The following TMEM232 variants were observed in gnomAD, a reference collection of about 807,000 sequenced individuals.
TMEM232 encodes transmembrane protein 232.
TMEM232 carries 80 observed loss-of-function variants against 78.8 expected under a neutral mutation model. That is an observed-to-expected ratio of 1.01 (90% CI 0.85 to 1.22). The LOEUF is 1.22. Among genes scored for constraint, TMEM232 ranks in the 50% most tolerant of loss-of-function variants. TMEM232 has a pLI of 0.00. For synonymous variants in TMEM232, 297 were observed against 254.3 expected, an observed-to-expected ratio of 1.17 and a Z score of -1.60; for missense variants, 881 against 742.2, an observed-to-expected ratio of 1.19 and a Z score of -2.17.
chr5:110,408,942 C>G (rs773537948), intron 2 of TMEM232, among the ~76,000 whole-genome samples: 6 of 152,106 alleles, frequency 3.9e-5, no homozygotes, highest in Admixed American at 2.0e-4. Context: ...TAACTCCTAC[C>G]TAGACCAGTT....
chr5:110,547,776 T>C (rs1467840296), intron 11 of TMEM232, among the ~76,000 whole-genome samples: 1 of 151,888 alleles, frequency 6.6e-6, no homozygotes, highest in African/African-American at 2.4e-5. Flanking sequence ...GATGGGCAGA[T>C]CACTTGAGGT....
At chr5:110,558,083 C>G (rs1036830537) in intron 11 of TMEM232, among the ~76,000 whole-genome samples, 16 of 152,268 alleles carry the variant, frequency 1.1e-4, no homozygotes, top group African/African-American at 3.8e-4. Flanking sequence ...CAATTGTGGG[C>G]TGCATGCTCT....
Position 110,627,882 on chromosome 5 carries a change from T to G in TMEM232, c.502-2A>C. On this transcript the variant is annotated splice_acceptor_variant, in intron 5 of 13. Coordinates refer to ENST00000455884, the MANE Select transcript of TMEM232 (RefSeq NM_001039763.4). LOFTEE classifies it high-confidence loss of function. ...TCGTAAGAAGACCAAATAGCCAATC[T>G]GTCAAAAGAGAAAAGAAAAATACAT... is the stretch of plus-strand genomic sequence containing the variant. The G allele has an allele frequency of 1.3e-6, 2 of 1,510,108 alleles. No homozygotes were observed. The highest frequency in any genetic ancestry group is 1.8e-6 in the Non-Finnish European group (2 of 1,128,106). The allele number at this position is 1,510,108 out of a possible 1,614,324, so 93.5% of individuals were successfully genotyped here. A position where few individuals can be genotyped will look rare whatever the true frequency, so the allele number is the denominator to read the frequency against.
chr5:110,651,868 T>A (rs1308738350), intron 2 of TMEM232, among the ~76,000 whole-genome samples: 2 of 152,150 alleles, frequency 1.3e-5, no homozygotes, highest in Non-Finnish European at 2.9e-5. Context: ...CTAAAGCCTA[T>A]AAAAATCTGC....
intron 12 of TMEM232, among the ~76,000 whole-genome samples, chr5:110,433,833 T>C (rs896381536): frequency 6.6e-6 from 1 of 152,088 alleles, no homozygotes; most frequent in East Asian, 1.9e-4. Flanking sequence ...TAAAGCCCAC[T>C]TGATCATGGT....
chr5:110,428,465 G>T (rs149508790), intron 12 of TMEM232, among the ~76,000 whole-genome samples: 72 of 151,752 alleles, frequency 4.7e-4, no homozygotes, highest in Admixed American at 1.3e-3. Flanking sequence ...CTCTTTGAAA[G>T]ATATCCTCAA....
rs533125602 is a variant in TMEM232 at position 110,725,178 on chromosome 5, C to T, written c.-13+1449G>A. On this transcript the variant is annotated intron_variant, in intron 1 of 13. Transcript: ENST00000455884. ...ACTGCTTCTTGGGATGAAACTACCT[C>T]GAAAAGCTTTCTGTTGTGAAATGTT... 3.9e-5 allele frequency among the ~76,000 whole-genome samples: 6 copies of T among 152,218 alleles called. No individual in the cohort carries two copies. In the South Asian group the frequency reaches 8.3e-4, roughly 21 times the overall value.
At chr5:110,717,465 C>T (rs1561561909) in intron 1 of TMEM232, among the ~76,000 whole-genome samples, 1 of 152,110 alleles carries the variant, frequency 6.6e-6, no homozygotes, top group Non-Finnish European at 1.5e-5. Context: ...ATTCTGCTTC[C>T]ATCCCATCAT....
chr5:110,448,025 T>C (rs1177343900), intron 12 of TMEM232, among the ~76,000 whole-genome samples: 2 of 152,062 alleles, frequency 1.3e-5, no homozygotes, highest in African/African-American at 4.8e-5. Context: ...TGAATATGTA[T>C]ATTGAAATGA....
At chr5:110,672,017 G>GA (rs1175097675) in intron 1 of TMEM232, among the ~76,000 whole-genome samples, 5 of 151,946 alleles carry the variant, frequency 3.3e-5, no homozygotes, top group Non-Finnish European at 7.4e-5. Context: ...GGATGGAAAA[G>GA]AAAAAAATAC....
At chr5:110,623,959 C>T (rs953451614) in intron 7 of TMEM232, among the ~76,000 whole-genome samples, 1 of 152,050 alleles carries the variant, frequency 6.6e-6, no homozygotes, top group Admixed American at 6.6e-5. Flanking sequence ...ACATTTTTGC[C>T]CCTTCTAATT....
At chr5:110,738,702 A>C, upstream of TMEM232, 1 of 226,768 alleles carries the variant, frequency 4.4e-6, no homozygotes, top group Non-Finnish European at 8.7e-6. Flanking sequence ...GACATGGGGT[A>C]TTTCTGGCCG....
chr5:110,403,070 C>A (rs1317158073), intron 2 of TMEM232, among the ~76,000 whole-genome samples: 1 of 152,084 alleles, frequency 6.6e-6, no homozygotes, highest in Non-Finnish European at 1.5e-5. Context: ...GTACCTTTGA[C>A]ACATTCTCTA....
chr5:110,480,214 T>C (rs1218139239), intron 12 of TMEM232, among the ~76,000 whole-genome samples: 1 of 151,838 alleles, frequency 6.6e-6, no homozygotes, highest in Non-Finnish European at 1.5e-5. Flanking sequence ...AAAAAGAAGC[T>C]TCTATATTCT....
chr5:110,496,798 A>G (rs1283235958), intron 12 of TMEM232, among the ~76,000 whole-genome samples: 1 of 152,040 alleles, frequency 6.6e-6, no homozygotes, highest in Non-Finnish European at 1.5e-5. Context: ...TTTTGAGAAA[A>G]AAATATTTTA....
At chr5:110,627,662 C>T (rs1456109456) in intron 6 of TMEM232, 119 bp downstream of exon 6, 18 of 691,582 alleles carry the variant, frequency 2.6e-5, no homozygotes, top group Non-Finnish European at 3.4e-5. Flanking sequence ...CTCTTCAACA[C>T]TGCACCTATT....
chr5:110,686,025 T>A (rs1314072510), intron 1 of TMEM232, among the ~76,000 whole-genome samples: 2 of 151,816 alleles, frequency 1.3e-5, no homozygotes, highest in African/African-American at 4.9e-5. Flanking sequence ...ATATTAGGGA[T>A]GGTAACATGG....
At chr5:110,625,196 A>C (rs951894468) in intron 7 of TMEM232, 71 bp downstream of exon 7, 2 of 1,382,446 alleles carry the variant, frequency 1.4e-6, no homozygotes, top group Non-Finnish European at 1.9e-6. Context: ...GATAAGCACC[A>C]TTACTTAATC....
intron 12 of TMEM232, among the ~76,000 whole-genome samples, chr5:110,495,911 A>C (rs1448340274): frequency 6.6e-6 from 1 of 151,770 alleles, no homozygotes; most frequent in African/African-American, 2.4e-5. Context: ...TTGCTTTGCT[A>C]GTAAAGAAGA....
Sources: gnomAD v4.1 joint callset for allele counts (sites outside exome capture counted in the v4.1 genomes callset) on GRCh38, gnomAD v4.1.1 for gene constraint, MANE v1.5 for transcripts, NCBI Gene and HGNC (gene_info 2026-07-23, HGNC 2026-07-21) for gene names.